DDX24: variants seen among roughly 807,000 people sequenced by gnomAD.
DDX24 encodes DEAD-box helicase 24.
DDX24 carries 24 observed loss-of-function variants against 68.9 expected under a neutral mutation model. The observed-to-expected ratio is 0.35, with a 90% CI of 0.25 to 0.49. The LOEUF is 0.49. Among genes scored for constraint, DDX24 ranks in the 20% least tolerant of loss-of-function variants. The pLI is 0.99. For missense variants in DDX24, 989 were observed against 1,039.0 expected (o/e 0.95, Z 0.66); for synonymous variants, 395 against 385.2 (o/e 1.03, Z -0.30).
At chr14:94,064,896 C>T (rs1249139031) in intron 2 of DDX24, among the ~76,000 whole-genome samples, 2 of 152,124 alleles carry the variant, frequency 1.3e-5, no homozygotes, top group African/African-American at 4.8e-5. Flanking sequence ...GGACTGAGCC[C>T]TTAACCTGTA....
intron 2 of DDX24, 117 bp from the exon 3 acceptor site, chr14:94,062,738 A>C: frequency 2.5e-6 from 3 of 1,219,264 alleles, no homozygotes; most frequent in Non-Finnish European, 3.3e-6. Flanking sequence ...ACCCTGACCG[A>C]CCCAAAGCTC....
At chr14:94,061,091 C>T (rs1346217114) in intron 3 of DDX24, 25 bp from the exon 4 acceptor site, 16 of 1,610,274 alleles carry the variant, frequency 9.9e-6, no homozygotes, top group Non-Finnish European at 1.0e-5. Context: ...ACATAAGGGA[C>T]ACTTATTCAA....
At chr14:94,066,126 C>T (rs1422169191) in intron 2 of DDX24, among the ~76,000 whole-genome samples, 1 of 152,178 alleles carries the variant, frequency 6.6e-6, no homozygotes, top group Non-Finnish European at 1.5e-5. Flanking sequence ...TCAAGCCCTC[C>T]TCCCGGAAAC....
In DDX24 at chr14:94,079,061, G is replaced by C. The variant is rs757884784; in HGVS notation, c.682C>G (p.Arg228Gly). ...GCCCCAAGGATGTCCAGTTTGTCAC[G>C]GATGGCAGGTGCCAAGGTCAGGGCT... ...IQALTLAPAI[R>G]DKLDILGAAE... The change falls in exon 2 of 9, where the codon CGT (arginine) becomes GGT (glycine). Residue 228 changes from arginine to glycine, a missense_variant. Physicochemically the swap from Arg to Gly is moderately radical, Grantham distance 125 (BLOSUM62 -2). This residue lies in a region of DDX24 where 295 missense variants were observed against 263.0 expected (regional missense o/e 1.12). Transcript: ENST00000621632. 14 of 1,614,084 alleles carry C rather than the reference G, an allele frequency of 8.7e-6. No homozygotes were observed. The highest frequency in any genetic ancestry group is 1.1e-5 in the Non-Finnish European group (13 of 1,179,998).
In DDX24 at chr14:94,049,270, G is replaced by A. The variant is rs996127071; in HGVS notation, c.*1921C>T. 3.3e-5 allele frequency: 5 copies of A among 152,208 alleles called. No homozygotes were observed. 9.4% of individuals were successfully genotyped at this position (152,208 alleles called of 1,614,324 possible). ...GTGGCTTCACTCCCACGGCTCAGGTGCCATTAGGGGATATTAAGCCCGCTT... is the reference window on the plus strand; with the variant it reads ...GTGGCTTCACTCCCACGGCTCAGGTACCATTAGGGGATATTAAGCCCGCTT... On this transcript the variant is annotated 3_prime_UTR_variant, in exon 9 of 9. Transcript: ENST00000621632.
chr14:94,062,491 A>T lies in DDX24; in HGVS notation c.849T>A (p.Ala283=). ...PPGETRTEAG[A]ETRSPGKAEA... ...CAGCCTTGCCTGGTGATCTAGTCTC[A>T]GCTCCGGCCTCAGTTCTGGTCTCTC... is the stretch of plus-strand genomic sequence containing the variant. The change falls in exon 3 of 9, where the codon GCT becomes GCA. Residue 283 remains alanine (A), a synonymous_variant. Transcript: ENST00000621632. 1 of 1,614,092 alleles carries T rather than the reference A, an allele frequency of 6.2e-7. No individual in the cohort carries two copies. Among genetic ancestry groups the T allele is most frequent in the East Asian group, 2.2e-5 (1 of 44,888 alleles).
chr14:94,059,994 C>T (rs1308286899), intron 5 of DDX24, 104 bp downstream of exon 5: 8 of 1,376,344 alleles, frequency 5.8e-6, no homozygotes, highest in Admixed American at 2.3e-5. Flanking sequence ...GAGACAAGGC[C>T]CCTATGACAG....
At chr14:94,057,740 T>TCCTCCTC in intron 6 of DDX24, 82 bp downstream of exon 6, 1 of 1,363,002 alleles carries the variant, frequency 7.3e-7, no homozygotes, top group Non-Finnish European at 1.0e-6. Flanking sequence ...AACCAACAAT[T>TCCTCCTC]CCTCCTCCCT....
At chr14:94,071,234 T>C (rs1885820864) in intron 2 of DDX24, among the ~76,000 whole-genome samples, 2 of 152,028 alleles carry the variant, frequency 1.3e-5, no homozygotes, top group African/African-American at 4.8e-5. Flanking sequence ...GATACACAAA[T>C]GGCCAACAAA....
intron 6 of DDX24, 40 bp downstream of exon 6, chr14:94,057,782 C>A: frequency 1.3e-6 from 2 of 1,588,182 alleles, no homozygotes; most frequent in Non-Finnish European, 1.7e-6. Context: ...ATTCCCCATT[C>A]AGTGCAGGCA....
intron 2 of DDX24, among the ~76,000 whole-genome samples, chr14:94,063,331 G>A (rs966334795): frequency 1.5e-5 from 2 of 133,884 alleles, no homozygotes; most frequent in African/African-American, 5.3e-5. Flanking sequence ...TGAAACTTTT[G>A]ATAAGAAGAA....
chr14:94,071,460 C>A (rs1235590184), intron 2 of DDX24, among the ~76,000 whole-genome samples: 3 of 152,080 alleles, frequency 2.0e-5, no homozygotes, highest in Admixed American at 6.6e-5. Context: ...ACCAGCCTGG[C>A]CAACATGGTG....
At chr14:94,065,414 G>C (rs1305534116) in intron 2 of DDX24, among the ~76,000 whole-genome samples, 1 of 82,604 alleles carries the variant, frequency 1.2e-5, no homozygotes, top group African/African-American at 4.9e-5. Context: ...CAAATTCAGT[G>C]CCAAAGAAGG....
chr14:94,058,021 T>C lies in DDX24; in HGVS notation c.1914-124A>G, dbSNP rs543960250. ...AATACTCTGTAAGATATCACTTGTA[T>C]ACCCTTTTACAGAAAAACTGAGGCT... On this transcript the variant is annotated intron_variant, in intron 5 of 8. Transcript: ENST00000621632. 2.8e-5 allele frequency: 24 copies of C among 843,776 alleles called. No individual in the cohort carries two copies. The South Asian group carries it at 3.7e-4, about 13-fold the overall frequency. 52.3% of individuals were successfully genotyped at this position (843,776 alleles called of 1,614,324 possible). A position where few individuals can be genotyped will look rare whatever the true frequency, so the allele number is the denominator to read the frequency against.
Position 94,057,941 on chromosome 14 carries a change from T to C in DDX24, c.1914-44A>G, listed in dbSNP as rs1353388632. The C allele has an allele frequency of 3.2e-6, 5 of 1,582,730 alleles. No homozygotes were observed. The South Asian group carries it at 4.5e-5, about 14-fold the overall frequency. On this transcript the variant is annotated intron_variant, in intron 5 of 8. Transcript: ENST00000621632. The stretch of plus-strand genomic sequence containing the variant: ...GCTTATTAATAATAACTAACAGCTA[T>C]CTTTAATCAAATTCTTACCAACTGC...
intron 2 of DDX24, among the ~76,000 whole-genome samples, chr14:94,066,465 T>C (rs1177785286): frequency 6.6e-6 from 1 of 152,198 alleles, no homozygotes; most frequent in Non-Finnish European, 1.5e-5. Flanking sequence ...TACCCACTGC[T>C]GGTCCCTCTC....
At chr14:94,065,848 AGCTCGCTGG>A (rs2141429567) in intron 2 of DDX24, among the ~76,000 whole-genome samples, 1 of 152,316 alleles carries the variant, frequency 6.6e-6, no homozygotes, top group African/African-American at 2.4e-5. Context: ...AGGCCCTGGG[AGCTCGCTGG>A]GTCCCCAAGC....
intron 2 of DDX24, among the ~76,000 whole-genome samples, chr14:94,073,719 T>C (rs536631560): frequency 6.6e-6 from 1 of 152,060 alleles, no homozygotes; most frequent in East Asian, 1.9e-4. Flanking sequence ...CAAAAACTAA[T>C]AGAACTGCAA....
rs758487764 is a variant in DDX24, at chr14:94,051,374, T to C, written c.2397A>G (p.Pro799=). Residue 799 remains proline (P), a synonymous_variant, in exon 9 of 9, where the codon CCA becomes CCG. Transcript: ENST00000621632. The part of the protein sequence containing the change: ...KKELRHLLSQ[P]LFTESQKTKY... ...TGGTTTTCTGGCTCTCCGTAAACAG[T>C]GGCTGGGACAGCAGGTGGCGCAGCT... 3 of 1,612,288 alleles carry C rather than the reference T, an allele frequency of 1.9e-6. No homozygotes were observed. The highest frequency in any genetic ancestry group is 1.7e-5 in the Admixed American group (1 of 59,524).
Sources: allele counts gnomAD v4.1 joint callset (sites outside exome capture counted in the v4.1 genomes callset), GRCh38; gene constraint gnomAD v4.1.1; regional missense constraint gnomAD v4.1.1; transcripts MANE v1.5; gene names NCBI Gene and HGNC (gene_info 2026-07-23, HGNC 2026-07-21).